ANO5: variants seen among roughly 807,000 people sequenced by gnomAD.
The protein encoded by ANO5 is anoctamin 5.
A neutral mutation model predicts 121.0 loss-of-function variants in ANO5; 109 were observed. The ratio of observed to expected loss-of-function variants is 0.90; its 90% CI spans 0.77 to 1.06. The LOEUF is 1.06. Ranked by LOEUF, ANO5 falls within the 50% of genes least tolerant of loss-of-function variation. The pLI is 0.00. For missense variants in ANO5, 1,064 were observed against 1,078.5 expected (o/e 0.99, Z 0.19); for synonymous variants, 406 against 359.9 (o/e 1.13, Z -1.45).
intron 6 of ANO5, among the ~76,000 whole-genome samples, chr11:22,227,046 C>A (rs912134865): frequency 2.0e-5 from 3 of 152,022 alleles, no homozygotes; most frequent in African/African-American, 7.2e-5. Flanking sequence ...AATAGTCTTT[C>A]TCTGCATGTG....
chr11:22,217,223 A>T lies in ANO5; in HGVS notation c.139-1023A>T, dbSNP rs77451685. Among the ~76,000 whole-genome samples the T allele has an allele frequency of 7.6e-3, 1,150 of 152,114 alleles. 11 individuals carry two copies. The highest frequency in any genetic ancestry group is 0.027 in the African/African-American group (1,107 of 41,540). On this transcript the variant is annotated intron_variant, in intron 3 of 21. Transcript: ENST00000324559. ...TTTAAGTAATTGTATTGGATTATTTATCCATGCATTACACTATAAAATACA... is the reference window on the plus strand; with the variant it reads ...TTTAAGTAATTGTATTGGATTATTTTTCCATGCATTACACTATAAAATACA...
intron 17 of ANO5, 68 bp from the exon 18 acceptor site, chr11:22,270,244 C>T: frequency 6.3e-7 from 1 of 1,577,710 alleles, no homozygotes; most frequent in Non-Finnish European, 8.7e-7. Context: ...CCAGATCTAA[C>T]ACTCTGATTC....
chr11:22,222,586 T>G (rs1413442715), intron 5 of ANO5, among the ~76,000 whole-genome samples: 1 of 151,968 alleles, frequency 6.6e-6, no homozygotes, highest in Non-Finnish European at 1.5e-5. Context: ...TGCTTTTTGC[T>G]GCTCTTATTC....
rs1208081342 is a variant in ANO5 at position 22,227,325 on chromosome 11, T to C, written c.387T>C (p.Tyr129=). The C allele has an allele frequency of 2.5e-6, 4 of 1,613,376 alleles. No individual in the cohort carries two copies. The highest frequency in any genetic ancestry group is 3.4e-6 in the Non-Finnish European group (4 of 1,179,706). Residue 129 remains tyrosine (Y), a synonymous_variant, in exon 7 of 22, where the codon TAT becomes TAC. Coordinates refer to ENST00000324559, the MANE Select transcript of ANO5 (RefSeq NM_213599.3). ...DKRDSEDGRT[Y]FVKIHAPWEV... ...AGGACTCGGAAGATGGAAGAACTTA[T>C]TTTGTCAAGATCCATGCCCCTTGGG...
intron 9 of ANO5, among the ~76,000 whole-genome samples, chr11:22,245,646 G>A (rs1203678624): frequency 6.6e-6 from 1 of 151,870 alleles, no homozygotes; most frequent in East Asian, 1.9e-4. Flanking sequence ...CTTTTGTTTT[G>A]CATGTTTTTT....
At chr11:22,193,624 G>T in intron 1 of ANO5, 92 bp downstream of exon 1, 3 of 1,482,012 alleles carry the variant, frequency 2.0e-6, no homozygotes, top group Non-Finnish European at 2.8e-6. Flanking sequence ...GACGTTGGCG[G>T]CCCTGCGGCC....
chr11:22,248,079 AT>A (rs914683126), intron 9 of ANO5, among the ~76,000 whole-genome samples: 5 of 152,142 alleles, frequency 3.3e-5, no homozygotes, highest in African/African-American at 1.2e-4. Context: ...TTAGAAAAAA[AT>A]GTTTGCATTG....
At chr11:22,234,282 C>G (rs1564927467) in intron 7 of ANO5, among the ~76,000 whole-genome samples, 1 of 152,070 alleles carries the variant, frequency 6.6e-6, no homozygotes, top group Non-Finnish European at 1.5e-5. Flanking sequence ...TGTGCATGGT[C>G]TGCTGCTGTA....
At chr11:22,215,350 C>A (rs981490379) in intron 3 of ANO5, among the ~76,000 whole-genome samples, 1 of 151,884 alleles carries the variant, frequency 6.6e-6, no homozygotes, top group Non-Finnish European at 1.5e-5. Flanking sequence ...TTGATCTGTG[C>A]ATGTATTTAG....
At chr11:22,227,167 T>G in intron 6 of ANO5, 135 bp from the exon 7 acceptor site, 1 of 1,197,236 alleles carries the variant, frequency 8.4e-7, no homozygotes, top group Non-Finnish European at 1.2e-6. Flanking sequence ...CTCAAAGTTT[T>G]GCCTGAAAAT....
intron 17 of ANO5, among the ~76,000 whole-genome samples, chr11:22,267,181 A>AAC (rs1854395584): frequency 6.6e-6 from 1 of 152,004 alleles, no homozygotes; most frequent in Non-Finnish European, 1.5e-5. Context: ...GTTATATGGA[A>AAC]ACACACACAC....
At position 22,280,201 on chromosome 11, in the gene ANO5, AGACT is replaced by A. The variant is rs1173117432; in HGVS notation, c.*443_*446del. On this transcript the variant is annotated 3_prime_UTR_variant, in exon 22 of 22. Transcript: ENST00000324559. ...TGGGGCAAAAAGAAATGGATCAAAG[AGACT>A]GACTGAGCCCTATATATCCTATCAT... 5.5e-6 allele frequency: 1 copy of A among 182,156 alleles called. No homozygotes were observed. Among genetic ancestry groups the A allele is most frequent in the Non-Finnish European group, 1.2e-5 (1 of 86,552 alleles). The allele number at this position is 182,156 out of a possible 1,614,324, so 11.3% of individuals were successfully genotyped here. A position where few individuals can be genotyped will look rare whatever the true frequency, so the allele number is the denominator to read the frequency against.
chr11:22,277,104 G>A (rs1854881104), intron 21 of ANO5, among the ~76,000 whole-genome samples: 1 of 151,310 alleles, frequency 6.6e-6, no homozygotes, highest in Non-Finnish European at 1.5e-5. Flanking sequence ...GGCAAAAGAA[G>A]ATCATTTTGC....
rs766507413 is a variant in ANO5 at position 22,250,371 on chromosome 11, G to A, written c.1013G>A (p.Ser338Asn). The A allele has an allele frequency of 1.6e-5, 26 of 1,613,302 alleles. No individual in the cohort carries two copies. The highest frequency in any genetic ancestry group is 2.2e-5 in the Non-Finnish European group (26 of 1,179,666). The change falls in exon 10 of 22, where the codon AGC becomes AAC. Residue 338 changes from serine (S) to asparagine (N), a missense_variant and splice_region_variant. Ser to Asn is a conservative substitution (Grantham distance 46). Coordinates refer to ENST00000324559, the MANE Select transcript of ANO5 (RefSeq NM_213599.3). ...TTATCAATGGAACATAACACAAGCA[G>A]GTAAGTGCACCTGAGTTGCCCAGAT... is the stretch of plus-strand genomic sequence containing the variant. The part of the protein sequence containing the change: ...GLLSMEHNTS[S>N]TEICDPEIGG...
At chr11:22,277,299 G>T (rs1854895224) in intron 21 of ANO5, among the ~76,000 whole-genome samples, 1 of 151,422 alleles carries the variant, frequency 6.6e-6, no homozygotes, top group African/African-American at 2.4e-5. Flanking sequence ...AAAACAGGAA[G>T]TATTTTGATA....
chr11:22,262,040 T>C, intron 15 of ANO5, 89 bp from the exon 16 acceptor site: 1 of 1,264,028 alleles, frequency 7.9e-7, no homozygotes, highest in Non-Finnish European at 1.1e-6. Flanking sequence ...CCCAGAATGA[T>C]GTGACTAGAT....
intron 1 of ANO5, among the ~76,000 whole-genome samples, chr11:22,195,461 C>T (rs1315005041): frequency 2.0e-5 from 3 of 151,738 alleles, no homozygotes; most frequent in Non-Finnish European, 4.4e-5. Flanking sequence ...CAGGGTCTGG[C>T]TCTATTGCCC....
chr11:22,227,405 G>T lies in ANO5; in HGVS notation c.467G>T (p.Ser156Ile). ...GGAATCAAAATGCCTATTAAGGAGA[G>T]TGATATTCCCCGCCCTAAGCACACT... is the stretch of plus-strand genomic sequence containing the variant. ...VLGIKMPIKE[S>I]DIPRPKHTPI... The change falls in exon 7 of 22, where the codon AGT becomes ATT. Residue 156 changes from serine to isoleucine, a missense_variant. Coordinates refer to ENST00000324559, the MANE Select transcript of ANO5 (RefSeq NM_213599.3). The T allele has an allele frequency of 6.2e-7, 1 of 1,613,528 alleles. No individual in the cohort carries two copies.
chr11:22,269,412 GA>G (rs1266509892), intron 17 of ANO5, among the ~76,000 whole-genome samples: 1 of 144,654 alleles, frequency 6.9e-6, no homozygotes. Context: ...GAGAAAAAAA[GA>G]GAAGGAAAAG....
Sources: gnomAD v4.1 joint callset for allele counts (sites outside exome capture counted in the v4.1 genomes callset) on GRCh38, gnomAD v4.1.1 for gene constraint, MANE v1.5 for transcripts, NCBI Gene and HGNC (gene_info 2026-07-23, HGNC 2026-07-21) for gene names.